The following BSCL2 variants were observed in gnomAD, a reference collection of about 807,000 sequenced individuals.
BSCL2 encodes BSCL2 lipid droplet biogenesis associated, seipin.
In BSCL2, 41 loss-of-function variants were observed where a neutral mutation model predicts 57.4. That is an observed-to-expected ratio of 0.71 (90% confidence interval 0.56 to 0.93). The LOEUF (loss-of-function observed/expected upper bound fraction) is 0.93. Ranked by LOEUF, BSCL2 falls within the 40% of genes least tolerant of loss-of-function variation. BSCL2 has a pLI of 0.00. For synonymous variants in BSCL2, 237 were observed against 227.3 expected (o/e 1.04, Z -0.38); for missense variants, 539 against 586.7 (o/e 0.92, Z 0.84).
At chr11:62,700,932 G>C (rs181348876) in intron 3 of BSCL2, among the ~76,000 whole-genome samples, 2 of 139,400 alleles carry the variant, frequency 1.4e-5, no homozygotes, top group African/African-American at 2.7e-5. Context: ...CAGTCTTGGC[G>C]ACAGAGCAAG....
intron 3 of BSCL2, among the ~76,000 whole-genome samples, chr11:62,698,301 C>A (rs1011699459): frequency 6.6e-6 from 1 of 151,972 alleles, no homozygotes; most frequent in Non-Finnish European, 1.5e-5. Context: ...TGGGTTCAAG[C>A]GATTCTCCTG....
Position 62,692,399 on chromosome 11 carries a change from G to C in BSCL2, c.840C>G (p.Ile280Met). The change falls in exon 6 of 11, where the codon ATC (isoleucine) becomes ATG (methionine). Residue 280 changes from isoleucine (I) to methionine (M), a missense_variant. This residue lies in a region of BSCL2 where 248 missense variants were observed against 239.9 expected (regional missense o/e 1.03). Coordinates refer to ENST00000360796, the MANE Select transcript of BSCL2 (RefSeq NM_001122955.4). ...RIQLYGAYLRIHAHFTGLRYL... is the reference protein window; with the variant it reads ...RIQLYGAYLRMHAHFTGLRYL... Reference sequence around the variant, plus strand: ...ACCTGAGCCCAGTGAAGTGCGCGTGGATGCGGAGGTAGGCTCCATACAGCT... The same window carrying C: ...ACCTGAGCCCAGTGAAGTGCGCGTGCATGCGGAGGTAGGCTCCATACAGCT... The C allele has an allele frequency of 6.2e-7, 1 of 1,614,168 alleles. No homozygotes were observed. Among genetic ancestry groups the C allele is most frequent in the Non-Finnish European group, 8.5e-7 (1 of 1,180,038 alleles).
Position 62,690,319 on chromosome 11 carries a change from G to A in BSCL2, c.*48C>T, listed in dbSNP as rs576081892. ...TTATTGAAGGAAAAACGAGGGGAGA[G>A]GAGTCAGGTGGGAAAGTGCTGGAAT... On this transcript the variant is annotated 3_prime_UTR_variant, in exon 11 of 11. Transcript: ENST00000360796. 6.2e-7 allele frequency: 1 copy of A among 1,612,526 alleles called. No homozygotes were observed. Among genetic ancestry groups the A allele is most frequent in the African/African-American group, 1.3e-5 (1 of 75,012 alleles).
At position 62,691,317 on chromosome 11, in the gene BSCL2, C is replaced by A. The variant is rs367783346; in HGVS notation, c.968G>T (p.Trp323Leu). Reference protein sequence around the residue: ...IVLFSYMQWVWGGIWPRHRFS... With the variant: ...IVLFSYMQWVLGGIWPRHRFS... ...GCGGTGTCGGGGCCAGATGCCCCCC[C>A]ACACCCACTGCATGTAGCTGAAGAG... Residue 323 changes from tryptophan (W) to leucine (L), a missense_variant, in exon 7 of 11, where the codon TGG becomes TTG. Trp to Leu is a moderately conservative substitution (Grantham distance 61, BLOSUM62 -2). This residue lies in a region of BSCL2 where 248 missense variants were observed against 239.9 expected (regional missense o/e 1.03). Coordinates refer to ENST00000360796, the MANE Select transcript of BSCL2 (RefSeq NM_001122955.4). 3.7e-5 allele frequency: 60 copies of A among 1,614,178 alleles called. No individual in the cohort carries two copies. The highest frequency in any genetic ancestry group is 3.3e-4 in the East Asian group (15 of 44,884).
chr11:62,702,377 A>C, intron 3 of BSCL2, 91 bp downstream of exon 3: 9 of 1,139,470 alleles, frequency 7.9e-6, no homozygotes, highest in African/African-American at 1.5e-5. Flanking sequence ...GTCTCTTATT[A>C]CTCAATTCCT....
At chr11:62,699,403 G>C (rs1279888787) in intron 3 of BSCL2, among the ~76,000 whole-genome samples, 1 of 151,492 alleles carries the variant, frequency 6.6e-6, no homozygotes. Flanking sequence ...TCACCATGTT[G>C]GTCAGGATGA....
chr11:62,694,506 C>T (rs1301394488), intron 4 of BSCL2, 62 bp downstream of exon 4: 1 of 1,612,010 alleles, frequency 6.2e-7, no homozygotes, highest in Admixed American at 1.7e-5. Context: ...CACCCAGCCC[C>T]CTACCCATTC....
At chr11:62,704,588 C>T (rs1320911889) in intron 2 of BSCL2, among the ~76,000 whole-genome samples, 1 of 150,230 alleles carries the variant, frequency 6.7e-6, no homozygotes, top group Non-Finnish European at 1.5e-5. Context: ...CCCATCTCTA[C>T]TAAAAATACA....
intron 3 of BSCL2, 29 bp downstream of exon 3, chr11:62,702,439 T>C (rs756117331): frequency 6.3e-7 from 1 of 1,581,824 alleles, no homozygotes; most frequent in Non-Finnish European, 8.7e-7. Context: ...AAAGCTCTAA[T>C]GAAACCTCTC....
At chr11:62,709,504 G>A (rs992197695), upstream of BSCL2, 4 of 453,588 alleles carry the variant, frequency 8.8e-6, no homozygotes, top group East Asian at 6.9e-5. Context: ...TACAGCAGAG[G>A]AACTCTTAGG....
intron 2 of BSCL2, 143 bp downstream of exon 2, chr11:62,705,158 T>G (rs2083506136): frequency 2.3e-6 from 2 of 866,110 alleles, no homozygotes; most frequent in Non-Finnish European, 1.8e-6. Flanking sequence ...AATCTAGCCT[T>G]GGGCTGTGAA....
chr11:62,698,131 T>C (rs111639588), intron 3 of BSCL2, among the ~76,000 whole-genome samples: 1 of 151,850 alleles, frequency 6.6e-6, no homozygotes, highest in South Asian at 2.1e-4. Flanking sequence ...ATGGTCTCCA[T>C]CTCCTGACCC....
At position 62,705,607 on chromosome 11, in the gene BSCL2, G is replaced by A. The variant is rs948421905; in HGVS notation, c.98C>T (p.Ala33Val). The A allele has an allele frequency of 4.6e-6, 7 of 1,534,888 alleles. No homozygotes were observed. Among genetic ancestry groups the A allele is most frequent in the Non-Finnish European group, 6.2e-6 (7 of 1,136,386 alleles). The change falls in exon 2 of 11, where the codon GCT becomes GTT. Residue 33 changes from alanine to valine, a missense_variant. Transcript: ENST00000360796. The part of the protein sequence containing the change: ...KGPDKEEEPP[A>V]AASHGQGWRP... ...CCACCCCTGGCCATGGGATGCAGCA[G>A]CTGGTGGTTCCTGGAAAGAGAGGGT...
intron 6 of BSCL2, 69 bp downstream of exon 6, chr11:62,692,307 G>A: frequency 6.6e-7 from 1 of 1,506,180 alleles, no homozygotes; most frequent in Non-Finnish European, 9.2e-7. Flanking sequence ...ACCTCTGCTT[G>A]GGACCCTCTT....
At chr11:62,696,674 C>T (rs1412980747) in intron 3 of BSCL2, among the ~76,000 whole-genome samples, 3 of 152,082 alleles carry the variant, frequency 2.0e-5, no homozygotes, top group African/African-American at 7.2e-5. Context: ...CTTCCTGTCT[C>T]AGCCTCCTGA....
chr11:62,709,011 C>A, upstream of BSCL2: 1 of 567,922 alleles, frequency 1.8e-6, no homozygotes, highest in East Asian at 3.1e-5. Context: ...CCCAAGCACC[C>A]CAGAGATATG....
intron 2 of BSCL2, among the ~76,000 whole-genome samples, chr11:62,704,578 C>CGG (rs1945759618): frequency 6.6e-6 from 1 of 150,800 alleles, no homozygotes; most frequent in South Asian, 2.1e-4. Context: ...CAAAAAAAAA[C>CGG]CCATCTCTAC....
chr11:62,693,419 G>A (rs553289680), intron 4 of BSCL2, among the ~76,000 whole-genome samples: 4 of 152,100 alleles, frequency 2.6e-5, no homozygotes, highest in Non-Finnish European at 4.4e-5. Flanking sequence ...CAGGAGAATC[G>A]CTTGAACCCA....
In BSCL2 at chr11:62,707,416, T is replaced by C. The variant is rs1268803958; in HGVS notation, c.-221A>G. ...GGGCGACTGCCCAGCTGATGTCAGA[T>C]TTTCAAATGAGCAGGGTCCCCCGCA... On this transcript the variant is annotated 5_prime_UTR_variant, in exon 1 of 11. Coordinates refer to ENST00000360796, the MANE Select transcript of BSCL2 (RefSeq NM_001122955.4). The C allele has an allele frequency of 1.4e-6, 1 of 700,784 alleles. No homozygotes were observed. The highest frequency in any genetic ancestry group is 1.8e-5 in the African/African-American group (1 of 57,140). The allele number at this position is 700,784 out of a possible 1,614,324, so 43.4% of individuals were successfully genotyped here. A position where few individuals can be genotyped will look rare whatever the true frequency, so the allele number is the denominator to read the frequency against.
Sources: gnomAD v4.1 joint callset for allele counts (sites outside exome capture counted in the v4.1 genomes callset) on GRCh38, gnomAD v4.1.1 for gene constraint, gnomAD v4.1.1 regional missense constraint, MANE v1.5 for transcripts, NCBI Gene and HGNC (gene_info 2026-07-23, HGNC 2026-07-21) for gene names.